EXOC4: variants seen among roughly 807,000 people sequenced by gnomAD.
EXOC4 encodes exocyst complex component 4.
In EXOC4, 71 loss-of-function variants were observed where a neutral mutation model predicts 107.2. That is an observed-to-expected ratio of 0.66 (90% CI 0.55 to 0.81). The LOEUF (loss-of-function observed/expected upper bound fraction) is 0.81. EXOC4 is among the 30% of genes least tolerant of loss of function. The pLI is 0.00. For missense variants in EXOC4, 1,108 were observed against 1,189.6 expected, an observed-to-expected ratio of 0.93 and a Z score of 1.01; for synonymous variants, 456 against 441.2, an observed-to-expected ratio of 1.03 and a Z score of -0.42.
intron 14 of EXOC4, among the ~76,000 whole-genome samples, chr7:133,953,219 G>T (rs562812285): frequency 1.6e-3 from 250 of 152,256 alleles, no homozygotes; most frequent in African/African-American, 5.7e-3. Context: ...AAGCCAAGGT[G>T]GGCGGATCAC....
Position 133,559,776 on chromosome 7 carries a change from C to T in EXOC4, c.1418-70269C>T, listed in dbSNP as rs563127976. On this transcript the variant is annotated intron_variant, in intron 9 of 17. Coordinates refer to ENST00000253861, the MANE Select transcript of EXOC4 (RefSeq NM_021807.4). ...ATATATCGGCTTCATTGTTCTTTCT[C>T]ACTGTACACTTTTTCTGAGTGGTTC... Among the ~76,000 whole-genome samples the T allele has an allele frequency of 2.4e-3, 361 of 152,224 alleles. 2 individuals are homozygous for T. Among genetic ancestry groups the T allele is most frequent in the Non-Finnish European group, 4.5e-3 (309 of 68,002 alleles).
At chr7:133,781,088 A>C (rs886484255) in intron 10 of EXOC4, among the ~76,000 whole-genome samples, 1 of 152,176 alleles carries the variant, frequency 6.6e-6, no homozygotes, top group Non-Finnish European at 1.5e-5. Flanking sequence ...TCCTGCCAAC[A>C]CTTTGGTTCT....
chr7:133,883,797 G>C (rs997838812), intron 11 of EXOC4, among the ~76,000 whole-genome samples: 3 of 152,158 alleles, frequency 2.0e-5, no homozygotes, highest in African/African-American at 7.2e-5. Context: ...GAGAGCAGAG[G>C]TGGCAGTTCC....
intron 7 of EXOC4, among the ~76,000 whole-genome samples, chr7:133,435,030 A>T (rs572927516): frequency 6.6e-6 from 1 of 152,220 alleles, no homozygotes; most frequent in Non-Finnish European, 1.5e-5. Flanking sequence ...TTAGCATTAA[A>T]GATTGTATTT....
intron 10 of EXOC4, among the ~76,000 whole-genome samples, chr7:133,761,305 G>A (rs73453269): frequency 6.6e-6 from 1 of 152,068 alleles, no homozygotes; most frequent in Non-Finnish European, 1.5e-5. Context: ...TTCTTCTAAA[G>A]TATCTGAAAC....
At chr7:133,976,258 T>TAA (rs1357483130) in intron 14 of EXOC4, among the ~76,000 whole-genome samples, 5 of 151,614 alleles carry the variant, frequency 3.3e-5, no homozygotes, top group African/African-American at 9.8e-5. Flanking sequence ...AGAACCACTC[T>TAA]AACCTCTCTT....
the EXOC4 span, among the ~76,000 whole-genome samples, chr7:134,098,220 A>G: frequency 6.6e-6 from 1 of 152,144 alleles, no homozygotes; most frequent in Non-Finnish European, 1.5e-5. Context: ...GATGTTAATG[A>G]AGAACCGCCA....
intron 10 of EXOC4, among the ~76,000 whole-genome samples, chr7:133,773,553 C>CT (rs1562991438): frequency 6.6e-6 from 1 of 151,772 alleles, no homozygotes; most frequent in Non-Finnish European, 1.5e-5. Context: ...GTGCCTGGCT[C>CT]TATCAGAGCA....
intron 10 of EXOC4, among the ~76,000 whole-genome samples, chr7:133,634,222 A>G (rs1802654559): frequency 6.6e-6 from 1 of 152,168 alleles, no homozygotes; most frequent in Non-Finnish European, 1.5e-5. Flanking sequence ...TTCCATCACT[A>G]GGAAATCTCA....
intron 17 of EXOC4, among the ~76,000 whole-genome samples, chr7:134,019,415 G>GTGATGATGATGATGA (rs149056095): frequency 0.12 from 18,305 of 148,618 alleles, 1,716 homozygotes; most frequent in East Asian, 0.35. Flanking sequence ...CTTTCTCTCA[G>GTGATGATGATGATGA]TGATGATGAT....
chr7:133,305,331 A>G (rs949720691), intron 3 of EXOC4, among the ~76,000 whole-genome samples: 3 of 152,122 alleles, frequency 2.0e-5, no homozygotes, highest in Admixed American at 6.5e-5. Context: ...GATGACTACT[A>G]TTGTCCATTT....
chr7:133,900,683 G>GGGAAGGAAAATGGAGA (rs1799431716), intron 12 of EXOC4, among the ~76,000 whole-genome samples: 2 of 152,266 alleles, frequency 1.3e-5, no homozygotes, highest in Admixed American at 1.3e-4. Flanking sequence ...TCAGGGGACA[G>GGGAAGGAAAATGGAGA]GGAAGGAAAA....
chr7:133,267,247 G>A (rs540677137), intron 1 of EXOC4, among the ~76,000 whole-genome samples: 2 of 152,132 alleles, frequency 1.3e-5, no homozygotes, highest in Non-Finnish European at 2.9e-5. Flanking sequence ...GCTCTTCCCC[G>A]AGTAGTTTCA....
intron 12 of EXOC4, among the ~76,000 whole-genome samples, chr7:133,916,759 G>A (rs1264837806): frequency 2.0e-5 from 3 of 152,188 alleles, no homozygotes; most frequent in South Asian, 2.1e-4. Flanking sequence ...AGGAGAAGCA[G>A]CTAATTGGCA....
chr7:133,966,706 G>C (rs1306816873), intron 14 of EXOC4, among the ~76,000 whole-genome samples: 1 of 152,180 alleles, frequency 6.6e-6, no homozygotes, highest in Non-Finnish European at 1.5e-5. Context: ...GCCTTTTGAT[G>C]TGCTGCTGGA....
At chr7:133,357,355 T>C (rs1023919524) in intron 6 of EXOC4, among the ~76,000 whole-genome samples, 4 of 152,240 alleles carry the variant, frequency 2.6e-5, no homozygotes, top group African/African-American at 7.2e-5. Flanking sequence ...GTCTTGGTGT[T>C]GAATACTAGT....
chr7:133,296,955 A>G (rs1794533413), intron 3 of EXOC4, among the ~76,000 whole-genome samples: 1 of 152,180 alleles, frequency 6.6e-6, no homozygotes, highest in Non-Finnish European at 1.5e-5. Flanking sequence ...GGTAATGCCA[A>G]TATGCAGGCA....
chr7:133,941,296 C>T (rs1021217276), intron 14 of EXOC4, among the ~76,000 whole-genome samples: 1 of 151,908 alleles, frequency 6.6e-6, no homozygotes, highest in Non-Finnish European at 1.5e-5. Context: ...TGCGCCTGGC[C>T]GAAAATTATT....
At chr7:133,429,191 A>T (rs1282789601) in intron 7 of EXOC4, among the ~76,000 whole-genome samples, 3 of 152,202 alleles carry the variant, frequency 2.0e-5, no homozygotes, top group Non-Finnish European at 2.9e-5. Flanking sequence ...TAGAGAAAGA[A>T]TTGATGGAAA....
Sources: allele counts gnomAD v4.1 joint callset (sites outside exome capture counted in the v4.1 genomes callset), GRCh38; gene constraint gnomAD v4.1.1; transcripts MANE v1.5; gene names NCBI Gene and HGNC (gene_info 2026-07-23, HGNC 2026-07-21).